ZNF782: variants seen among roughly 807,000 people sequenced by gnomAD.
ZNF782 encodes zinc finger protein 782.
Under a neutral mutation model 13.0 loss-of-function variants are expected in ZNF782, and 12 were observed. That is an observed-to-expected ratio of 0.92 (90% CI 0.59 to 1.50). The LOEUF (loss-of-function observed/expected upper bound fraction) is 1.50, where lower values mean the gene tolerates loss of function less well. ZNF782 is among the 40% of genes most tolerant of loss of function. The pLI is 0.00. For synonymous variants in ZNF782, 284 were observed against 283.0 expected, an observed-to-expected ratio of 1.00 and a Z score of -0.04; for missense variants, 770 against 822.9, an observed-to-expected ratio of 0.94 and a Z score of 0.79.
the ZNF782 span, among the ~76,000 whole-genome samples, chr9:96,907,632 T>A: frequency 6.7e-6 from 1 of 148,768 alleles, no homozygotes; most frequent in East Asian, 2.1e-4. Context: ...AACTTGATAG[T>A]GTCTTTTTGT....
chr9:96,876,971 A>AAG (rs1851900786), upstream of ZNF782, among the ~76,000 whole-genome samples: 5 of 128,088 alleles, frequency 3.9e-5, no homozygotes, highest in Admixed American at 7.3e-5. Context: ...AAAAAAAAAA[A>AAG]AAGAAGAAGA....
chr9:96,859,831 T>A (rs1851683456), intron 3 of ZNF782, among the ~76,000 whole-genome samples: 1 of 152,248 alleles, frequency 6.6e-6, no homozygotes, highest in South Asian at 2.1e-4. Context: ...GAGTCCCTGA[T>A]TCAGGCCTTG....
chr9:96,926,647 C>G, the ZNF782 span, among the ~76,000 whole-genome samples: 2 of 151,856 alleles, frequency 1.3e-5, no homozygotes, highest in African/African-American at 4.8e-5. Flanking sequence ...AAACCGAGAA[C>G]TCATGAGGAT....
chr9:96,831,995 G>A (rs1411205082), intron 4 of ZNF782, among the ~76,000 whole-genome samples: 10 of 151,996 alleles, frequency 6.6e-5, no homozygotes, highest in Non-Finnish European at 1.0e-4. Context: ...ACCATTTAAC[G>A]TAATTTTTGA....
intron 5 of ZNF782, among the ~76,000 whole-genome samples, chr9:96,824,894 G>T (rs1486711693): frequency 2.0e-5 from 3 of 149,990 alleles, no homozygotes; most frequent in Non-Finnish European, 4.5e-5. Context: ...CACTGCTCAA[G>T]GAAATAAAAG....
the ZNF782 span, chr9:96,893,014 T>G: frequency 6.6e-6 from 1 of 152,280 alleles, no homozygotes; most frequent in East Asian, 1.9e-4. Context: ...ACTCTCTTTT[T>G]AAAGAGTTTA....
At chr9:96,832,815 C>T (rs1850850605) in intron 4 of ZNF782, among the ~76,000 whole-genome samples, 1 of 151,972 alleles carries the variant, frequency 6.6e-6, no homozygotes, top group Admixed American at 6.6e-5. Context: ...TTGGGTTTAT[C>T]CTGTATAGAA....
chr9:96,924,028 GT>G, the ZNF782 span, among the ~76,000 whole-genome samples: 1 of 152,052 alleles, frequency 6.6e-6, no homozygotes, highest in South Asian at 2.1e-4. Context: ...TACAGATGGC[GT>G]TTCGCCAAGT....
At chr9:96,919,752 C>T in the ZNF782 span, among the ~76,000 whole-genome samples, 20 of 149,980 alleles carry the variant, frequency 1.3e-4, 2 homozygotes, top group Non-Finnish European at 2.4e-4. Context: ...TTTGTAGAGA[C>T]GGGGTTTCAC....
chr9:96,888,123 C>T, the ZNF782 span: 1 of 149,500 alleles, frequency 6.7e-6, no homozygotes, highest in Admixed American at 6.7e-5. Context: ...ATGTATGTAA[C>T]TAACATGCAT....
chr9:96,926,683 T>A, the ZNF782 span, among the ~76,000 whole-genome samples: 1 of 151,872 alleles, frequency 6.6e-6, no homozygotes, highest in African/African-American at 2.4e-5. Flanking sequence ...GGAAATGACT[T>A]TTTCCCACAA....
chr9:96,925,807 G>T, the ZNF782 span, among the ~76,000 whole-genome samples: 1 of 149,676 alleles, frequency 6.7e-6, no homozygotes, highest in Non-Finnish European at 1.5e-5. Flanking sequence ...GGCCTCAAGT[G>T]CAGAGACTGA....
At chr9:96,849,659 A>C (rs1209568312) in intron 3 of ZNF782, among the ~76,000 whole-genome samples, 1 of 152,200 alleles carries the variant, frequency 6.6e-6, no homozygotes, top group African/African-American at 2.4e-5. Context: ...AACAAAAATA[A>C]ATTAACTGGA....
intron 3 of ZNF782, among the ~76,000 whole-genome samples, chr9:96,851,658 T>C (rs1851490498): frequency 6.6e-6 from 1 of 152,212 alleles, no homozygotes; most frequent in Non-Finnish European, 1.5e-5. Flanking sequence ...CATTATATTA[T>C]TCACAATATT....
upstream of ZNF782, among the ~76,000 whole-genome samples, chr9:96,857,053 G>C (rs1851652034): frequency 6.6e-6 from 1 of 152,206 alleles, no homozygotes; most frequent in South Asian, 2.1e-4. Flanking sequence ...AGAAGGGTAA[G>C]TTTTTGTGAA....
the ZNF782 span, among the ~76,000 whole-genome samples, chr9:96,905,392 T>C: frequency 1.2e-4 from 18 of 151,510 alleles, no homozygotes. Flanking sequence ...TGTCAGGAAG[T>C]TACTCTATAT....
At position 96,861,324 on chromosome 9, in the gene ZNF782, A is replaced by G. The variant is rs191829579; in HGVS notation, c.-381+204T>C. Among the ~76,000 whole-genome samples, 806 of 152,362 alleles carry G rather than the reference A, an allele frequency of 5.3e-3. 4 individuals are homozygous for G. The highest frequency in any genetic ancestry group is 0.01 in the Middle Eastern group (3 of 294). ...GAGACAACCCACAGAATGGGGGAAG[A>G]TATTTGAAAACTATCTGACAAGGGA... On this transcript the variant is annotated intron_variant, in intron 2 of 5. Coordinates refer to the ZNF782 transcript ENST00000498811.
At position 96,819,323 on chromosome 9, in the gene ZNF782, T is replaced by G. The variant is rs775741830; in HGVS notation, c.700A>C (p.Asn234His). Reference protein sequence around the residue: ...FLEKAALVTSNSTHPKGKSYN... With the variant: ...FLEKAALVTSHSTHPKGKSYN... The stretch of plus-strand genomic sequence containing the variant: ...GATTTTCCTTTTGGGTGGGTACTGT[T>G]AGATGTAACAAGGGCAGCCTTTTCA... Residue 234 changes from asparagine to histidine, a missense_variant, in exon 6 of 6, where the codon AAC (asparagine) becomes CAC (histidine). By Grantham distance (68) the Asn-to-His change is moderately conservative (BLOSUM62 1). Coordinates refer to ENST00000481138, the MANE Select transcript of ZNF782 (RefSeq NM_001001662.3). 1.9e-5 allele frequency: 31 copies of G among 1,608,702 alleles called. No individual in the cohort carries two copies. In the South Asian group the frequency reaches 3.5e-4, roughly 18 times the overall value.
chr9:96,910,077 T>C, the ZNF782 span: 2 of 601,696 alleles, frequency 3.3e-6, no homozygotes, highest in South Asian at 2.8e-5. Context: ...TGCCCCACCA[T>C]GTCAGATGCA....
Sources: gnomAD v4.1 joint callset for allele counts (sites outside exome capture counted in the v4.1 genomes callset) on GRCh38, gnomAD v4.1.1 for gene constraint, MANE v1.5 for transcripts, NCBI Gene and HGNC (gene_info 2026-07-23, HGNC 2026-07-21) for gene names.